Variants in SLC9C2 observed in about 807,000 individuals in gnomAD.
The protein encoded by SLC9C2 is solute carrier family 9 member C2 (putative), also known as sodium/hydrogen exchanger 11.
A neutral mutation model predicts 140.2 loss-of-function variants in SLC9C2; 75 were observed. That is an observed-to-expected ratio of 0.53 (90% CI 0.44 to 0.65). SLC9C2 has a LOEUF of 0.65. SLC9C2 is among the 30% of genes least tolerant of loss of function. The pLI is 0.00. For synonymous variants in SLC9C2, 375 were observed against 420.9 expected (o/e 0.89, Z 1.34); for missense variants, 1,074 against 1,331.8 (o/e 0.81, Z 3.01).
chr1:173,563,546 A>G (rs1302293547), intron 9 of SLC9C2, among the ~76,000 whole-genome samples: 1 of 152,184 alleles, frequency 6.6e-6, no homozygotes, highest in Non-Finnish European at 1.5e-5. Context: ...GTAAAAAAGT[A>G]TATTAAAAAT....
chr1:173,599,871 T>C (rs1001195448), intron 3 of SLC9C2, among the ~76,000 whole-genome samples: 1 of 152,202 alleles, frequency 6.6e-6, no homozygotes, highest in Non-Finnish European at 1.5e-5. Flanking sequence ...CGCAAAGTGC[T>C]GGGATAACAA....
chr1:173,580,655 T>C (rs76133593), intron 7 of SLC9C2, among the ~76,000 whole-genome samples: 10,121 of 152,238 alleles, frequency 0.066, 1,198 homozygotes, highest in African/African-American at 0.23. Context: ...ACCCAGCCTA[T>C]CATACCACTT....
chr1:173,500,939 C>T lies in SLC9C2; in HGVS notation c.*155G>A, dbSNP rs1438673908. 1.2e-6 allele frequency: 1 copy of T among 805,956 alleles called. No individual in the cohort carries two copies. The highest frequency in any genetic ancestry group is 5.1e-5 in the South Asian group (1 of 19,734). The allele number at this position is 805,956 out of a possible 1,614,324, so 49.9% of individuals were successfully genotyped here. On this transcript the variant is annotated 3_prime_UTR_variant, in exon 28 of 28. Coordinates refer to ENST00000367714, the MANE Select transcript of SLC9C2 (RefSeq NM_178527.4). ...CAGAAGTCCATCCATTGCTTATAAA[C>T]TAAATGCAGCAGTAACCTGTTTCAG... is the stretch of plus-strand genomic sequence containing the variant.
intron 11 of SLC9C2, among the ~76,000 whole-genome samples, chr1:173,550,495 G>A (rs973788133): frequency 2.0e-5 from 3 of 150,448 alleles, no homozygotes; most frequent in African/African-American, 4.9e-5. Context: ...CTGGAGTGCA[G>A]TGGTGCAATC....
chr1:173,525,515 A>T (rs1661134072), intron 19 of SLC9C2, among the ~76,000 whole-genome samples: 1 of 152,258 alleles, frequency 6.6e-6, no homozygotes, highest in Admixed American at 6.5e-5. Flanking sequence ...GGTAGCAATG[A>T]TCAAAAGCAT....
At chr1:173,588,985 G>C (rs1211010968) in intron 4 of SLC9C2, among the ~76,000 whole-genome samples, 1 of 152,152 alleles carries the variant, frequency 6.6e-6, no homozygotes, top group Non-Finnish European at 1.5e-5. Context: ...AACTGAGGTG[G>C]GAGGATTGCT....
Position 173,533,755 on chromosome 1 carries a change from T to C in SLC9C2, c.2017A>G (p.Thr673Ala), listed in dbSNP as rs769645737. Residue 673 changes from threonine (T) to alanine (A), a missense_variant, in exon 17 of 28, where the codon ACT becomes GCT. Coordinates refer to ENST00000367714, the MANE Select transcript of SLC9C2 (RefSeq NM_178527.4). ...ATAACCAGGATAAAAAATTCCAAAG[T>C]ATTCCAACATTGTTGAAAATATTTC... The part of the protein sequence containing the change: ...KRKYFQQCWN[T>A]LEFFILVIGI... 2 of 1,602,892 alleles carry C rather than the reference T, an allele frequency of 1.2e-6. No homozygotes were observed. The highest frequency in any genetic ancestry group is 1.7e-6 in the Non-Finnish European group (2 of 1,173,802).
chr1:173,560,305 C>T (rs1006743467), intron 9 of SLC9C2, among the ~76,000 whole-genome samples: 7 of 152,180 alleles, frequency 4.6e-5, no homozygotes, highest in Non-Finnish European at 8.8e-5. Flanking sequence ...TCTTCAGGGC[C>T]GATAGCCCAT....
At chr1:173,565,856 T>C (rs952140635) in intron 9 of SLC9C2, among the ~76,000 whole-genome samples, 2 of 152,142 alleles carry the variant, frequency 1.3e-5, no homozygotes, top group African/African-American at 2.4e-5. Context: ...AATGTCTTTT[T>C]TTTATCATGA....
chr1:173,594,084 A>G (rs1299444025), intron 4 of SLC9C2, among the ~76,000 whole-genome samples: 2 of 152,198 alleles, frequency 1.3e-5, no homozygotes, highest in African/African-American at 4.8e-5. Flanking sequence ...CAGTTGTCTC[A>G]AAAGCAACAA....
chr1:173,549,777 T>G lies in SLC9C2; in HGVS notation c.1298-1225A>C, dbSNP rs6694012. Among the ~76,000 whole-genome samples the G allele has an allele frequency of 6.9e-3, 1,055 of 152,146 alleles. 14 individuals are homozygous for G. The highest frequency in any genetic ancestry group is 0.024 in the African/African-American group (1,014 of 41,506). ...TATACAATCTTTATTCCACAGTGAG[T>G]TAAAAGAAATTCTGAAGCTTGGTTA... On this transcript the variant is annotated intron_variant, in intron 11 of 27. Transcript: ENST00000367714.
chr1:173,584,564 T>C (rs1296852753), intron 5 of SLC9C2, among the ~76,000 whole-genome samples: 2 of 152,186 alleles, frequency 1.3e-5, no homozygotes, highest in Non-Finnish European at 2.9e-5. Context: ...CTAAATACAA[T>C]GTGACTTTTG....
intron 4 of SLC9C2, 77 bp from the exon 5 acceptor site, chr1:173,587,907 G>A: frequency 8.7e-7 from 1 of 1,143,916 alleles, no homozygotes. Context: ...TATCCTAAGA[G>A]TCAGATCTTG....
intron 4 of SLC9C2, among the ~76,000 whole-genome samples, chr1:173,588,354 G>A (rs1665976636): frequency 6.6e-6 from 1 of 152,086 alleles, no homozygotes; most frequent in African/African-American, 2.4e-5. Context: ...TGCACACATT[G>A]TTTATGCCCA....
At chr1:173,520,385 T>A (rs528720381) in intron 22 of SLC9C2, among the ~76,000 whole-genome samples, 51 of 152,270 alleles carry the variant, frequency 3.3e-4, no homozygotes, top group African/African-American at 1.2e-3. Context: ...CTCGACTACC[T>A]TTTAAAAAAT....
intron 2 of SLC9C2, among the ~76,000 whole-genome samples, 172 bp from the exon 3 acceptor site, chr1:173,600,389 C>T (rs368925439): frequency 1.3e-5 from 2 of 151,398 alleles, no homozygotes; most frequent in African/African-American, 4.8e-5. Flanking sequence ...TTGGTAGAAA[C>T]TGTACTTTGA....
intron 9 of SLC9C2, among the ~76,000 whole-genome samples, chr1:173,565,647 C>T (rs914669146): frequency 6.6e-6 from 1 of 152,046 alleles, no homozygotes; most frequent in Non-Finnish European, 1.5e-5. Context: ...AATGTGATTC[C>T]TCCACTTTTG....
intron 7 of SLC9C2, among the ~76,000 whole-genome samples, chr1:173,579,879 G>A (rs1665412071): frequency 6.6e-6 from 1 of 152,094 alleles, no homozygotes; most frequent in African/African-American, 2.4e-5. Context: ...AAAGACTCTA[G>A]GGAACCCCAT....
intron 9 of SLC9C2, among the ~76,000 whole-genome samples, chr1:173,566,686 TA>T (rs1395720481): frequency 6.6e-6 from 1 of 151,996 alleles, no homozygotes; most frequent in Non-Finnish European, 1.5e-5. Context: ...ATTTGTGCTC[TA>T]ATATGTATTA....
Sources: allele counts gnomAD v4.1 joint callset (sites outside exome capture counted in the v4.1 genomes callset), GRCh38; gene constraint gnomAD v4.1.1; transcripts MANE v1.5; gene names NCBI Gene and HGNC (gene_info 2026-07-23, HGNC 2026-07-21).